UNC45B: variants seen among roughly 807,000 people sequenced by gnomAD.
UNC45B encodes the protein unc-45 myosin chaperone B, also known as protein unc-45 homolog B.
UNC45B carries 78 observed loss-of-function variants against 98.7 expected under a neutral mutation model. The observed-to-expected ratio is 0.79, with a 90% CI of 0.66 to 0.95. UNC45B has a LOEUF of 0.95. Ranked by LOEUF, UNC45B falls within the 40% of genes least tolerant of loss-of-function variation. The pLI is 0.00. For synonymous variants in UNC45B, 462 were observed against 480.4 expected (o/e 0.96, Z 0.50); for missense variants, 1,225 against 1,184.9 (o/e 1.03, Z -0.50).
At chr17:35,162,664 A>G (rs1192938956) in intron 8 of UNC45B, among the ~76,000 whole-genome samples, 2 of 151,680 alleles carry the variant, frequency 1.3e-5, no homozygotes, top group African/African-American at 4.9e-5. Context: ...ATCTTGGCTC[A>G]CTGAAACCTG....
At chr17:35,164,390 G>A (rs1332000772) in intron 9 of UNC45B, 1 of 393,756 alleles carries the variant, frequency 2.5e-6, no homozygotes, top group South Asian at 4.3e-5. Context: ...CTTGACTGGG[G>A]CTGGAAAATG....
At chr17:35,156,495 G>A (rs553976234) in intron 7 of UNC45B, among the ~76,000 whole-genome samples, 4 of 152,178 alleles carry the variant, frequency 2.6e-5, no homozygotes, top group Non-Finnish European at 4.4e-5. Context: ...GCATGGTGGC[G>A]CATGCCTGTA....
intron 15 of UNC45B, 81 bp downstream of exon 15, chr17:35,176,115 A>C: frequency 7.1e-7 from 1 of 1,407,996 alleles, no homozygotes; most frequent in Non-Finnish European, 1.0e-6. Context: ...CCTCTGCCCC[A>C]ACTCGACCTC....
intron 8 of UNC45B, among the ~76,000 whole-genome samples, chr17:35,163,062 C>A (rs972453330): frequency 3.9e-5 from 6 of 152,170 alleles, no homozygotes; most frequent in Non-Finnish European, 5.9e-5. Flanking sequence ...TTGTCCTGGG[C>A]AACTTACTTG....
chr17:35,177,420 C>G, intron 16 of UNC45B, 75 bp from the exon 17 acceptor site: 2 of 1,052,644 alleles, frequency 1.9e-6, no homozygotes, highest in East Asian at 2.6e-5. Flanking sequence ...AACTTTACAG[C>G]TGGTCACCTA....
rs759982142 is a variant in UNC45B, at chr17:35,164,082, C to G, written c.1067C>G (p.Ser356Cys). The change falls in exon 9 of 20, where the codon TCT becomes TGT. Residue 356 changes from serine to cysteine, a missense_variant. Ser to Cys is a moderately radical substitution (Grantham distance 112). Coordinates refer to ENST00000394570, the MANE Select transcript of UNC45B (RefSeq NM_001267052.2). ...ACTGACAACACCCGCATGCTGGCCT[C>G]TATCCTCATCAACAAGCTCTATGAT... ...PLTDNTRMLA[S>C]ILINKLYDDL... is the part of the protein sequence containing the mutation. 1 of 1,614,148 alleles carries G rather than the reference C, an allele frequency of 6.2e-7. No homozygotes were observed. Among genetic ancestry groups the G allele is most frequent in the Non-Finnish European group, 8.5e-7 (1 of 1,180,038 alleles).
chr17:35,161,889 C>G (rs1567758413), intron 8 of UNC45B, among the ~76,000 whole-genome samples: 1 of 152,030 alleles, frequency 6.6e-6, no homozygotes, highest in Non-Finnish European at 1.5e-5. Context: ...ATCAACCGTG[C>G]CTACATAATG....
chr17:35,183,471 G>A lies in UNC45B; in HGVS notation c.2418G>A (p.Leu806=). 11 of 1,603,678 alleles carry A rather than the reference G, an allele frequency of 6.9e-6. No individual in the cohort carries two copies. The Admixed American group carries it at 1.7e-4, about 25-fold the overall frequency. ...CTGACGGGAATGACCGGCTGAAGCT[G>A]GTGGTGCTGCTCTGCGGGGAGGATG... ...FLADGNDRLK[L]VVLLCGEDDD... is the part of the protein sequence containing the mutation. Residue 806 remains leucine, a synonymous_variant, in exon 19 of 20, where the codon CTG becomes CTA. Transcript: ENST00000394570.
Position 35,189,085 on chromosome 17 carries a change from T to C in UNC45B, c.*2526T>C, listed in dbSNP as rs2092319070. ...TTCCAACCAATTCTCTTACAGAAAA[T>C]CTATAAATATCTTAGAGGTATGTTT... On this transcript the variant is annotated 3_prime_UTR_variant, in exon 20 of 20. Transcript: ENST00000394570. 6.6e-6 allele frequency: 1 copy of C among 152,160 alleles called. No homozygotes were observed. Among genetic ancestry groups the C allele is most frequent in the South Asian group, 2.1e-4 (1 of 4,836 alleles). 9.4% of individuals were successfully genotyped at this position (152,160 alleles called of 1,614,324 possible).
intron 13 of UNC45B, among the ~76,000 whole-genome samples, chr17:35,173,875 C>T (rs979636512): frequency 6.8e-6 from 1 of 147,384 alleles, no homozygotes; most frequent in Non-Finnish European, 1.5e-5. Flanking sequence ...TGCAGTGGTG[C>T]GATCTCGGCT....
chr17:35,148,813 G>A lies in UNC45B; in HGVS notation c.169-160G>A, dbSNP rs1469861492. Among the ~76,000 whole-genome samples, 8 of 152,118 alleles carry A rather than the reference G, an allele frequency of 5.3e-5. No individual in the cohort carries two copies. The East Asian group carries it at 1.3e-3, about 26-fold the overall frequency. Reference sequence around the variant, plus strand: ...AAACCTGGGTTTGCCTGATGTCAAAGCCTGTCCTCTTTGCCATGCCTGTGA... The same window carrying A: ...AAACCTGGGTTTGCCTGATGTCAAAACCTGTCCTCTTTGCCATGCCTGTGA... On this transcript the variant is annotated intron_variant, in intron 2 of 19. Coordinates refer to ENST00000394570, the MANE Select transcript of UNC45B (RefSeq NM_001267052.2).
intron 16 of UNC45B, 137 bp from the exon 17 acceptor site, chr17:35,177,358 T>C: frequency 1.4e-6 from 1 of 720,256 alleles, no homozygotes; most frequent in Non-Finnish European, 2.3e-6. Context: ...ATCCTGCCTG[T>C]CAGGATCATT....
rs897686322 is a variant in UNC45B at position 35,173,759 on chromosome 17, A to C, written c.1831-483A>C. ...TCCTTAACTTAATCGTGTCTGCAAAATCCCTTTTGCCATGTAAGGTCCCAC... is the reference window on the plus strand; with the variant it reads ...TCCTTAACTTAATCGTGTCTGCAAACTCCCTTTTGCCATGTAAGGTCCCAC... On this transcript the variant is annotated intron_variant, in intron 13 of 19. Transcript: ENST00000394570. 3.3e-5 allele frequency among the ~76,000 whole-genome samples: 5 copies of C among 151,520 alleles called. No individual in the cohort carries two copies. The South Asian group carries it at 6.3e-4, about 19-fold the overall frequency.
Position 35,188,192 on chromosome 17 carries a change from T to C in UNC45B, c.*1633T>C, listed in dbSNP as rs532067463. ...GCTTGTTTCACAGCAGGAAACTATA[T>C]TCATCATATCCTTATTATGATAGAG... On this transcript the variant is annotated 3_prime_UTR_variant, in exon 20 of 20. Transcript: ENST00000394570. 1.3e-5 allele frequency: 2 copies of C among 152,390 alleles called. No homozygotes were observed. Among genetic ancestry groups the C allele is most frequent in the South Asian group, 4.1e-4 (2 of 4,834 alleles). The allele number at this position is 152,390 out of a possible 1,614,324, so 9.4% of individuals were successfully genotyped here.
chr17:35,175,295 C>G (rs1262701057), intron 14 of UNC45B, among the ~76,000 whole-genome samples: 2 of 152,136 alleles, frequency 1.3e-5, no homozygotes, highest in African/African-American at 4.8e-5. Flanking sequence ...CTGTGTGCAG[C>G]CTGGCCAGGG....
At chr17:35,167,451 C>T (rs939738267) in intron 9 of UNC45B, among the ~76,000 whole-genome samples, 3 of 152,066 alleles carry the variant, frequency 2.0e-5, no homozygotes, top group African/African-American at 4.8e-5. Flanking sequence ...AAGATCCCAT[C>T]TCTACAAAAA....
At chr17:35,156,884 A>G (rs2092066344) in intron 7 of UNC45B, among the ~76,000 whole-genome samples, 1 of 152,146 alleles carries the variant, frequency 6.6e-6, no homozygotes, top group South Asian at 2.1e-4. Flanking sequence ...ACTGAGCATT[A>G]TATTAATATT....
intron 9 of UNC45B, chr17:35,167,142 A>G (rs1597919335): frequency 6.6e-6 from 1 of 152,398 alleles, no homozygotes; most frequent in South Asian, 2.1e-4. Flanking sequence ...CATGTCACAG[A>G]GAGACACAGT....
intron 10 of UNC45B, among the ~76,000 whole-genome samples, chr17:35,169,559 G>T (rs2092167361): frequency 6.6e-6 from 1 of 152,122 alleles, no homozygotes; most frequent in Non-Finnish European, 1.5e-5. Context: ...TTTTCAAAAT[G>T]GCAGGCACAA....
Sources: gnomAD v4.1 joint callset for allele counts (sites outside exome capture counted in the v4.1 genomes callset) on GRCh38, gnomAD v4.1.1 for gene constraint, MANE v1.5 for transcripts, NCBI Gene and HGNC (gene_info 2026-07-23, HGNC 2026-07-21) for gene names.